Variants in IRAG2 observed in about 807,000 individuals in gnomAD.
IRAG2 encodes the protein lymphoid restricted membrane protein.
A neutral mutation model predicts 69.9 loss-of-function variants in IRAG2; 45 were observed. The ratio of observed to expected loss-of-function variants is 0.64; its 90% confidence interval spans 0.51 to 0.83. The LOEUF (loss-of-function observed/expected upper bound fraction) is 0.83, where lower values mean the gene tolerates loss of function less well. Among genes scored for constraint, IRAG2 ranks in the 40% least tolerant of loss-of-function variants. The pLI, the probability that IRAG2 is intolerant of heterozygous loss-of-function variation, is 0.00. For synonymous variants in IRAG2, 193 were observed against 202.4 expected (o/e 0.95, Z 0.40); for missense variants, 520 against 587.0 (o/e 0.89, Z 1.18).
At chr12:25,042,786 G>A (rs919645526) in intron 16 of IRAG2, among the ~76,000 whole-genome samples, 3 of 151,812 alleles carry the variant, frequency 2.0e-5, no homozygotes, top group African/African-American at 7.3e-5. Flanking sequence ...TTTTTAAAAA[G>A]CTATTTCTAA....
chr12:25,089,872 G>A, intron 13 of IRAG2, 82 bp downstream of exon 13: 1 of 1,410,292 alleles, frequency 7.1e-7, no homozygotes, highest in Non-Finnish European at 1.0e-6. Flanking sequence ...TTTGGCACAA[G>A]CTCTCATATG....
exon 6 of IRAG2, chr12:25,017,215 G>C: frequency 1.6e-6 from 2 of 1,232,122 alleles, no homozygotes; most frequent in Non-Finnish European, 2.0e-6. Context: ...ATAAGTTTAA[G>C]TTGGCTTTAG....
intron 20 of IRAG2, among the ~76,000 whole-genome samples, chr12:25,105,715 T>C (rs1384347232): frequency 3.3e-5 from 5 of 152,232 alleles, no homozygotes; most frequent in African/African-American, 1.2e-4. Context: ...GTATGATTTC[T>C]ACTGAGAAGT....
At chr12:25,044,725 T>C (rs1944778630) in intron 16 of IRAG2, among the ~76,000 whole-genome samples, 2 of 152,088 alleles carry the variant, frequency 1.3e-5, no homozygotes, top group Admixed American at 6.6e-5. Flanking sequence ...ATACGATATC[T>C]ACACACCCAA....
At chr12:25,055,869 A>C (rs545389406) in intron 1 of IRAG2, among the ~76,000 whole-genome samples, 1 of 152,316 alleles carries the variant, frequency 6.6e-6, no homozygotes, top group East Asian at 1.9e-4. Context: ...ATCATGGACT[A>C]ATTGATACAA....
chr12:25,055,333 A>G (rs1945166576), intron 1 of IRAG2, among the ~76,000 whole-genome samples: 1 of 152,266 alleles, frequency 6.6e-6, no homozygotes, highest in African/African-American at 2.4e-5. Flanking sequence ...ATGTGCCATG[A>G]AAACTGTTCA....
intron 4 of IRAG2, among the ~76,000 whole-genome samples, chr12:25,064,253 G>A (rs76213519): frequency 1.6e-4 from 25 of 152,294 alleles, no homozygotes; most frequent in African/African-American, 6.0e-4. Flanking sequence ...TGAAAGATTA[G>A]TTGGCTTTGG....
At chr12:25,017,611 T>C (rs11047759) in intron 6 of IRAG2, among the ~76,000 whole-genome samples, 11,550 of 152,038 alleles carry the variant, frequency 0.076, 582 homozygotes, top group African/African-American at 0.15. Context: ...CCAGCTATTC[T>C]GCAGGCTGAG....
chr12:25,099,052 T>C (rs1256918035), intron 15 of IRAG2, among the ~76,000 whole-genome samples: 1 of 152,180 alleles, frequency 6.6e-6, no homozygotes, highest in Non-Finnish European at 1.5e-5. Flanking sequence ...CCTCTGAATA[T>C]TGAAGAGCCC....
upstream of IRAG2, among the ~76,000 whole-genome samples, chr12:25,051,716 G>C (rs543093310): frequency 2.2e-4 from 33 of 152,192 alleles, no homozygotes; most frequent in Non-Finnish European, 4.1e-4. Flanking sequence ...GCCTGGGGGC[G>C]GTCCTTCCTG....
chr12:25,051,945 C>G (rs1035881049), upstream of IRAG2, among the ~76,000 whole-genome samples: 5 of 152,168 alleles, frequency 3.3e-5, no homozygotes, highest in African/African-American at 9.7e-5. Context: ...GCAACTGATG[C>G]TAAGTGCTAT....
chr12:25,000,010 G>A (rs571933119), upstream of IRAG2, among the ~76,000 whole-genome samples: 3 of 152,206 alleles, frequency 2.0e-5, no homozygotes, highest in South Asian at 6.2e-4. Flanking sequence ...TGGCTTACTT[G>A]TTCATAGCTG....
chr12:25,076,938 T>C (rs980201072), intron 6 of IRAG2, among the ~76,000 whole-genome samples: 2 of 151,318 alleles, frequency 1.3e-5, no homozygotes, highest in African/African-American at 4.9e-5. Flanking sequence ...TGCAGTGGTA[T>C]GATCACAGCT....
intron 1 of IRAG2, among the ~76,000 whole-genome samples, chr12:25,055,243 T>G (rs1216709743): frequency 2.6e-5 from 4 of 152,244 alleles, no homozygotes; most frequent in South Asian, 2.1e-4. Context: ...CTTGAATAAA[T>G]GATATTGTTC....
At chr12:25,019,653 T>C (rs908744096) in intron 6 of IRAG2, among the ~76,000 whole-genome samples, 1 of 152,064 alleles carries the variant, frequency 6.6e-6, no homozygotes, top group Admixed American at 6.6e-5. Context: ...GGGGGCATGG[T>C]GGGTCAAAAG....
intron 6 of IRAG2, among the ~76,000 whole-genome samples, chr12:25,069,750 G>A (rs1946208311): frequency 1.3e-5 from 2 of 152,234 alleles, no homozygotes; most frequent in African/African-American, 4.8e-5. Context: ...TTAAATTCAC[G>A]AATGACTGTA....
At chr12:25,101,959 C>A (rs1948775014) in intron 16 of IRAG2, 3 of 666,928 alleles carry the variant, frequency 4.5e-6, no homozygotes, top group African/African-American at 1.8e-5. Flanking sequence ...GTAGTGCCTA[C>A]CCTGTGCTAG....
chr12:25,051,257 T>A (rs1376234297), upstream of IRAG2, among the ~76,000 whole-genome samples: 1 of 152,236 alleles, frequency 6.6e-6, no homozygotes, highest in Non-Finnish European at 1.5e-5. Flanking sequence ...TTTTGTTTGC[T>A]TGTTTACCAG....
chr12:25,008,686 C>T (rs11047751), intron 2 of IRAG2, among the ~76,000 whole-genome samples: 39,404 of 152,114 alleles, frequency 0.26, 5,595 homozygotes, highest in South Asian at 0.47. Flanking sequence ...CTGCAGTAAG[C>T]TGAGATGGTG....
Sources: allele counts gnomAD v4.1 joint callset (sites outside exome capture counted in the v4.1 genomes callset), GRCh38; gene constraint gnomAD v4.1.1; transcripts MANE v1.5; gene names NCBI Gene and HGNC (gene_info 2026-07-23, HGNC 2026-07-21).